The following LRRTM4 variants were observed in gnomAD, a reference collection of about 807,000 sequenced individuals.
The protein encoded by LRRTM4 is leucine rich repeat transmembrane neuronal 4.
LRRTM4 carries 25 observed loss-of-function variants against 47.6 expected under a neutral mutation model. The ratio of observed to expected loss-of-function variants is 0.53; its 90% CI spans 0.38 to 0.73. The LOEUF (loss-of-function observed/expected upper bound fraction) is 0.73, where lower values mean the gene tolerates loss of function less well. Among genes scored for constraint, LRRTM4 ranks in the 30% least tolerant of loss-of-function variants. The pLI is 0.00. For missense variants in LRRTM4, 638 were observed against 713.4 expected, an observed-to-expected ratio of 0.89 and a Z score of 1.20; for synonymous variants, 311 against 269.5, an observed-to-expected ratio of 1.15 and a Z score of -1.51.
rs115468588 is a variant in LRRTM4, at chr2:76,912,910, G to A, written c.1552-163994C>T. ...TGAGGTCTGTTTAGAAGCAGAAGCCGCTATGCTTCCTGTACAGCCTGCAGA... is the reference window on the plus strand; with the variant it reads ...TGAGGTCTGTTTAGAAGCAGAAGCCACTATGCTTCCTGTACAGCCTGCAGA... On this transcript the variant is annotated intron_variant, in intron 3 of 3. Coordinates refer to ENST00000409884, the MANE Select transcript of LRRTM4 (RefSeq NM_001134745.3). 2.0e-5 allele frequency among the ~76,000 whole-genome samples: 3 copies of A among 152,096 alleles called. No homozygotes were observed. In the East Asian group the frequency reaches 5.8e-4, roughly 29 times the overall value.
chr2:76,770,362 T>C (rs2222179), intron 3 of LRRTM4, among the ~76,000 whole-genome samples: 54,185 of 151,960 alleles, frequency 0.36, 10,745 homozygotes, highest in East Asian at 0.55. Flanking sequence ...CTCCATCATC[T>C]GTATTGACCA....
At chr2:76,749,055 A>G in intron 3 of LRRTM4, 139 bp from the exon 4 acceptor site, 1 of 659,690 alleles carries the variant, frequency 1.5e-6, no homozygotes, top group Non-Finnish European at 2.7e-6. Flanking sequence ...AATAAACATT[A>G]ACAAAATGAT....
At chr2:77,477,044 G>C (rs1677427626) in intron 3 of LRRTM4, among the ~76,000 whole-genome samples, 2 of 151,284 alleles carry the variant, frequency 1.3e-5, no homozygotes. Context: ...TGTTTACTGG[G>C]CTTTCCAATG....
intron 3 of LRRTM4, among the ~76,000 whole-genome samples, chr2:77,281,759 G>A (rs1000795120): frequency 2.6e-5 from 4 of 151,700 alleles, no homozygotes; most frequent in Admixed American, 1.3e-4. Flanking sequence ...CCAGATGTAG[G>A]TAAATATATT....
At chr2:76,877,560 C>G (rs1188144589) in intron 3 of LRRTM4, among the ~76,000 whole-genome samples, 1 of 152,064 alleles carries the variant, frequency 6.6e-6, no homozygotes, top group Non-Finnish European at 1.5e-5. Context: ...TCTTACCTCA[C>G]TGTTTTACAT....
chr2:77,187,500 G>C (rs1573053619), intron 3 of LRRTM4, among the ~76,000 whole-genome samples: 1 of 151,350 alleles, frequency 6.6e-6, no homozygotes, highest in African/African-American at 2.4e-5. Context: ...AGGAGGGATA[G>C]CATTAGGAGA....
In LRRTM4 at chr2:76,846,273, C is replaced by G. The variant is rs577030793; in HGVS notation, c.1552-97357G>C. Reference sequence around the variant, plus strand: ...GCTGGACTCACTCCCAAGGGCTGCCCTGCACTTGCACCTGAGAATAACCGC... The same window carrying G: ...GCTGGACTCACTCCCAAGGGCTGCCGTGCACTTGCACCTGAGAATAACCGC... On this transcript the variant is annotated intron_variant, in intron 3 of 3. Transcript: ENST00000409884. 1.6e-4 allele frequency among the ~76,000 whole-genome samples: 24 copies of G among 152,220 alleles called. No homozygotes were observed. In the Middle Eastern group the frequency reaches 0.01, roughly 65 times the overall value.
chr2:77,135,188 C>G (rs1671901266), intron 3 of LRRTM4, among the ~76,000 whole-genome samples: 1 of 152,156 alleles, frequency 6.6e-6, no homozygotes, highest in African/African-American at 2.4e-5. Context: ...CAGGAAATGG[C>G]CAAGATGTGA....
At chr2:77,295,339 T>C (rs565076933) in intron 3 of LRRTM4, among the ~76,000 whole-genome samples, 5 of 152,278 alleles carry the variant, frequency 3.3e-5, no homozygotes, top group Middle Eastern at 3.4e-3. Flanking sequence ...CTGCTATTTA[T>C]AATATTTCTT....
At chr2:77,238,986 T>C (rs1242316458) in intron 3 of LRRTM4, among the ~76,000 whole-genome samples, 1 of 151,896 alleles carries the variant, frequency 6.6e-6, no homozygotes, top group Admixed American at 6.6e-5. Context: ...TATATAAACC[T>C]ACAAGGTACC....
chr2:77,269,623 G>A (rs1479406372), intron 3 of LRRTM4, among the ~76,000 whole-genome samples: 9 of 151,884 alleles, frequency 5.9e-5, no homozygotes, highest in Admixed American at 5.3e-4. Context: ...ATAATTTAAT[G>A]AAAGAAAAAA....
At chr2:77,001,663 T>C (rs1321558812) in intron 3 of LRRTM4, among the ~76,000 whole-genome samples, 1 of 152,090 alleles carries the variant, frequency 6.6e-6, no homozygotes, top group East Asian at 1.9e-4. Flanking sequence ...CCCCTCGATA[T>C]CCAATACAGG....
At chr2:76,902,943 T>A (rs997667746) in intron 3 of LRRTM4, among the ~76,000 whole-genome samples, 1 of 152,222 alleles carries the variant, frequency 6.6e-6, no homozygotes, top group African/African-American at 2.4e-5. Flanking sequence ...CTGAGTAACT[T>A]TTTATATAAT....
At chr2:77,014,849 A>C (rs1678002501) in intron 3 of LRRTM4, among the ~76,000 whole-genome samples, 1 of 152,016 alleles carries the variant, frequency 6.6e-6, no homozygotes, top group African/African-American at 2.4e-5. Flanking sequence ...TTAGTGACAA[A>C]ACATAAGGAT....
chr2:76,958,272 T>C (rs1014133081), intron 3 of LRRTM4, among the ~76,000 whole-genome samples: 1 of 151,730 alleles, frequency 6.6e-6, no homozygotes, highest in Admixed American at 6.6e-5. Context: ...ATATGAACAA[T>C]AAAAAACTAT....
At chr2:76,805,454 A>G (rs1330346872) in intron 3 of LRRTM4, among the ~76,000 whole-genome samples, 1 of 152,154 alleles carries the variant, frequency 6.6e-6, no homozygotes, top group Non-Finnish European at 1.5e-5. Flanking sequence ...CAAGTAACAT[A>G]TATTTAAACA....
At chr2:77,051,399 A>T (rs1460674046) in intron 3 of LRRTM4, among the ~76,000 whole-genome samples, 1 of 152,150 alleles carries the variant, frequency 6.6e-6, no homozygotes, top group Non-Finnish European at 1.5e-5. Flanking sequence ...TACCATTTGC[A>T]CTATGCACTT....
At chr2:76,844,425 G>A (rs59197739) in intron 3 of LRRTM4, among the ~76,000 whole-genome samples, 20,375 of 152,060 alleles carry the variant, frequency 0.13, 1,677 homozygotes, top group East Asian at 0.33. Flanking sequence ...GTGAGCCACC[G>A]TGCCTGGCCT....
chr2:77,023,318 G>A (rs1325479039), intron 3 of LRRTM4, among the ~76,000 whole-genome samples: 1 of 152,192 alleles, frequency 6.6e-6, no homozygotes, highest in Non-Finnish European at 1.5e-5. Flanking sequence ...GGGAGAGGCT[G>A]CCGCAAAGGT....
Sources: gnomAD v4.1 joint callset for allele counts (sites outside exome capture counted in the v4.1 genomes callset) on GRCh38, gnomAD v4.1.1 for gene constraint, MANE v1.5 for transcripts, NCBI Gene and HGNC (gene_info 2026-07-23, HGNC 2026-07-21) for gene names.